The following ZC4H2 variants were observed in gnomAD, a reference collection of about 807,000 sequenced individuals.
The protein encoded by ZC4H2 is zinc finger C4H2 domain-containing protein.
For missense variants in ZC4H2, 137 were observed against 173.9 expected (o/e 0.79, Z 1.19); for synonymous variants, 84 against 66.3 (o/e 1.27, Z -1.30).
In ZC4H2 at chrX:64,976,407, A is replaced by T; in HGVS notation, c.-30T>A. On this transcript the variant is annotated 5_prime_UTR_variant, in exon 1 of 5. Coordinates refer to ENST00000374839, the MANE Select transcript of ZC4H2 (RefSeq NM_018684.4). Reference sequence around the variant, plus strand: ...TTCACTGTCAATTTCACGTCCCGAGAGATGTACAAATACACCAGCCAAGGG... The same window carrying T: ...TTCACTGTCAATTTCACGTCCCGAGTGATGTACAAATACACCAGCCAAGGG... The T allele has an allele frequency of 8.3e-7, 1 of 1,197,782 alleles. No homozygotes were observed. The highest frequency in any genetic ancestry group is 1.8e-5 in the South Asian group (1 of 56,659).
At chrX:64,928,784 T>TC (rs1319195503) in intron 1 of ZC4H2, among the ~76,000 whole-genome samples, 1 of 102,386 alleles carries the variant, frequency 9.8e-6, no homozygotes, top group Non-Finnish European at 2.0e-5. Context: ...CTTCTCTTCT[T>TC]CTTCTTTTTC....
chrX:64,949,424 T>G (rs1436360101), intron 1 of ZC4H2, among the ~76,000 whole-genome samples: 1 of 111,396 alleles, frequency 9.0e-6, no homozygotes, highest in Non-Finnish European at 1.9e-5. Context: ...CATATCAAAC[T>G]GTTTTAAAAC....
intron 1 of ZC4H2, among the ~76,000 whole-genome samples, chrX:64,965,207 C>T (rs910175443): frequency 1.8e-5 from 2 of 111,476 alleles, no homozygotes; most frequent in African/African-American, 6.5e-5. Flanking sequence ...ATTCAAAGCG[C>T]CTAGAATAGT....
chrX:64,926,781 A>C (rs189463078), intron 1 of ZC4H2, among the ~76,000 whole-genome samples: 1 of 111,841 alleles, frequency 8.9e-6, no homozygotes, highest in East Asian at 2.8e-4. Context: ...GATTTTTTTC[A>C]ACAAAATATG....
At chrX:64,998,865 T>A (rs771911902) in intron 1 of ZC4H2, among the ~76,000 whole-genome samples, 6 of 110,033 alleles carry the variant, frequency 5.5e-5, no homozygotes, top group South Asian at 7.6e-4. Flanking sequence ...TTTTTCTTTG[T>A]CTCTTATAAT....
At chrX:64,949,411 C>A (rs1331287497) in intron 1 of ZC4H2, among the ~76,000 whole-genome samples, 1 of 111,403 alleles carries the variant, frequency 9.0e-6, no homozygotes, top group African/African-American at 3.3e-5. Context: ...AATTCCATTT[C>A]ATCATATCAA....
At chrX:64,989,818 AC>A (rs1172055863) in intron 1 of ZC4H2, among the ~76,000 whole-genome samples, 1 of 112,233 alleles carries the variant, frequency 8.9e-6, no homozygotes, top group African/African-American at 3.2e-5. Context: ...AATTAAGACC[AC>A]AATGCAATAT....
At chrX:64,989,844 A>G (rs1163797482) in intron 1 of ZC4H2, among the ~76,000 whole-genome samples, 1 of 112,187 alleles carries the variant, frequency 8.9e-6, no homozygotes, top group Non-Finnish European at 1.9e-5. Context: ...ATAACCTATC[A>G]GAAAGACTAA....
intron 1 of ZC4H2, among the ~76,000 whole-genome samples, chrX:64,960,867 C>A (rs1195671099): frequency 1.8e-5 from 2 of 111,836 alleles, no homozygotes; most frequent in Non-Finnish European, 3.8e-5. Flanking sequence ...TGCTAATTGT[C>A]TTAATGTGTT....
In ZC4H2 at chrX:64,993,180, G is replaced by T. The variant is rs184500627; in HGVS notation, c.-272+41449C>A. On this transcript the variant is annotated intron_variant, in intron 1 of 4. Transcript: ENST00000337990. ...TCGTGCAACATTTCAGACATATTAG[G>T]TTTTTTTGTTTATATAAAGTTCAAA... Among the ~76,000 whole-genome samples the T allele has an allele frequency of 1.3e-4, 14 of 111,839 alleles. No homozygotes were observed. The East Asian group carries it at 3.9e-3, about 31-fold the overall frequency.
intron 1 of ZC4H2, among the ~76,000 whole-genome samples, chrX:64,998,525 G>T (rs1230572037): frequency 1.8e-5 from 2 of 111,877 alleles, no homozygotes; most frequent in Admixed American, 9.4e-5. Flanking sequence ...TGACAGAGTG[G>T]CTAAATTTGT....
intron 1 of ZC4H2, among the ~76,000 whole-genome samples, chrX:64,989,275 T>C (rs910315696): frequency 8.9e-6 from 1 of 112,164 alleles, no homozygotes; most frequent in Non-Finnish European, 1.9e-5. Context: ...GGTAGCTTGA[T>C]GGGGATGGCA....
chrX:64,938,090 C>T (rs1443138805), intron 1 of ZC4H2, among the ~76,000 whole-genome samples: 1 of 111,470 alleles, frequency 9.0e-6, no homozygotes, highest in Non-Finnish European at 1.9e-5. Context: ...CAGTAAAAAA[C>T]GACATAGGGC....
At chrX:64,978,060 T>G (rs1298427908), upstream of ZC4H2, among the ~76,000 whole-genome samples, 1 of 110,796 alleles carries the variant, frequency 9.0e-6, no homozygotes, top group Non-Finnish European at 1.9e-5. Context: ...TCTCTCTGAG[T>G]TTGTGCTTTC....
At chrX:64,969,829 G>C (rs1175155018) in intron 1 of ZC4H2, among the ~76,000 whole-genome samples, 50 of 112,110 alleles carry the variant, frequency 4.5e-4, no homozygotes, top group Non-Finnish European at 7.5e-5. Flanking sequence ...CCAGATTTCA[G>C]CATAGTGAGG....
intron 1 of ZC4H2, among the ~76,000 whole-genome samples, chrX:64,973,846 A>T (rs988680157): frequency 3.7e-5 from 4 of 108,473 alleles, no homozygotes; most frequent in South Asian, 3.9e-4. Flanking sequence ...TGTCATTCTA[A>T]TTTTTTTTTT....
chrX:64,959,321 T>C (rs1398575724), intron 1 of ZC4H2, among the ~76,000 whole-genome samples: 1 of 104,904 alleles, frequency 9.5e-6, no homozygotes, highest in Non-Finnish European at 1.9e-5. Context: ...TGTCTTGTTT[T>C]AAACACTGTT....
At chrX:65,003,745 C>T (rs1322239686) in intron 1 of ZC4H2, among the ~76,000 whole-genome samples, 6 of 109,482 alleles carry the variant, frequency 5.5e-5, no homozygotes, top group African/African-American at 1.7e-4. Context: ...GGCAAGGTGG[C>T]GGGTGCCTGT....
At chrX:64,994,436 TA>T (rs1445298729) in intron 1 of ZC4H2, among the ~76,000 whole-genome samples, 1 of 111,975 alleles carries the variant, frequency 8.9e-6, no homozygotes, top group African/African-American at 3.2e-5. Flanking sequence ...ACAAGTCAAA[TA>T]AAAATTATAT....
Sources: allele counts gnomAD v4.1 joint callset (sites outside exome capture counted in the v4.1 genomes callset), GRCh38; gene constraint gnomAD v4.1.1; transcripts MANE v1.5; gene names NCBI Gene and HGNC (gene_info 2026-07-23, HGNC 2026-07-21).